RBFOX3: variants seen among roughly 807,000 people sequenced by gnomAD.
The protein encoded by RBFOX3 is RNA binding protein fox-1 homolog 3.
A neutral mutation model predicts 48.7 loss-of-function variants in RBFOX3; 17 were observed. The observed-to-expected ratio is 0.35, with a 90% CI of 0.24 to 0.52. The LOEUF (loss-of-function observed/expected upper bound fraction) is 0.52. Among genes scored for constraint, RBFOX3 ranks in the 20% least tolerant of loss-of-function variants. RBFOX3 has a pLI of 0.94. For synonymous variants in RBFOX3, 212 were observed against 209.5 expected (o/e 1.01, Z -0.10); for missense variants, 382 against 497.5 (o/e 0.77, Z 2.21).
At position 79,325,940 on chromosome 17, in the gene RBFOX3, C is replaced by A. The variant is rs540458906; in HGVS notation, c.-174-18116G>T. On this transcript the variant is annotated intron_variant, in intron 2 of 14. Coordinates refer to ENST00000693108, the MANE Select transcript of RBFOX3 (RefSeq NM_001350451.2). ...CTCCGGCATGATGGACGATTATGGA[C>A]CAACTGCACTTTCAGAGGGGGATAG... Among the ~76,000 whole-genome samples, 23 of 152,314 alleles carry A rather than the reference C, an allele frequency of 1.5e-4. No individual in the cohort carries two copies. The South Asian group carries it at 3.5e-3, about 23-fold the overall frequency.
At chr17:79,291,214 T>A (rs2073193585) in intron 3 of RBFOX3, among the ~76,000 whole-genome samples, 1 of 152,246 alleles carries the variant, frequency 6.6e-6, no homozygotes, top group Non-Finnish European at 1.5e-5. Flanking sequence ...TCAACTCTGA[T>A]GGCCAGGGCA....
intron 4 of RBFOX3, among the ~76,000 whole-genome samples, chr17:79,210,561 T>C (rs1027811707): frequency 1.3e-5 from 2 of 152,248 alleles, no homozygotes; most frequent in African/African-American, 4.8e-5. Flanking sequence ...CTGCTATAAA[T>C]ATCTTGGCAC....
At chr17:79,437,711 A>G (rs1324297860) in intron 2 of RBFOX3, among the ~76,000 whole-genome samples, 4 of 152,194 alleles carry the variant, frequency 2.6e-5, no homozygotes, top group African/African-American at 9.6e-5. Flanking sequence ...GGCTCCCCAG[A>G]CTTCCCACCC....
chr17:79,290,435 G>A (rs75682842), intron 3 of RBFOX3, among the ~76,000 whole-genome samples: 4,469 of 152,034 alleles, frequency 0.029, 106 homozygotes, highest in East Asian at 0.066. Flanking sequence ...CATATGCTGT[G>A]ACGGTGTCAT....
chr17:79,279,838 G>T (rs2069835591), intron 3 of RBFOX3, among the ~76,000 whole-genome samples: 1 of 152,156 alleles, frequency 6.6e-6, no homozygotes, highest in African/African-American at 2.4e-5. Context: ...TCACTGAGAG[G>T]TTGGAAAAAA....
chr17:79,162,481 C>T (rs146580549), intron 4 of RBFOX3, among the ~76,000 whole-genome samples: 1 of 152,352 alleles, frequency 6.6e-6, no homozygotes, highest in African/African-American at 2.4e-5. Flanking sequence ...ATGGAGCACA[C>T]ATGCATGGAG....
intron 3 of RBFOX3, among the ~76,000 whole-genome samples, chr17:79,293,571 G>A (rs1240870831): frequency 2.0e-5 from 3 of 151,892 alleles, no homozygotes; most frequent in Non-Finnish European, 2.9e-5. Context: ...TCCTGCCTCA[G>A]CCTCCTGAGT....
At chr17:79,633,223 A>G in the RBFOX3 span, among the ~76,000 whole-genome samples, 1 of 152,246 alleles carries the variant, frequency 6.6e-6, no homozygotes, top group East Asian at 1.9e-4. Flanking sequence ...AGCCACAGCT[A>G]AGACTCAGCC....
rs2146778963 is a variant in RBFOX3 at position 79,199,829 on chromosome 17, C to T, written c.-34+35937G>A. On this transcript the variant is annotated intron_variant, in intron 4 of 14. Coordinates refer to ENST00000693108, the MANE Select transcript of RBFOX3 (RefSeq NM_001350451.2). This position sits in a 1 kb window ranked among gnomAD's most constrained non-coding sequence, Gnocchi z 5.1. The stretch of plus-strand genomic sequence containing the variant: ...AGAGTGTCTATTCTACAGTACCGCT[C>T]TAAAGCTTCCCACATCTCAGTTTCC... 6.6e-6 allele frequency among the ~76,000 whole-genome samples: 1 copy of T among 152,272 alleles called. No homozygotes were observed. Among genetic ancestry groups the T allele is most frequent in the South Asian group, 2.1e-4 (1 of 4,822 alleles).
chr17:79,167,343 CTCTA>C (rs1255094894), intron 4 of RBFOX3, among the ~76,000 whole-genome samples: 1 of 152,038 alleles, frequency 6.6e-6, no homozygotes, highest in African/African-American at 2.4e-5. Context: ...CCTCTGGGGT[CTCTA>C]TCAGGCTCTG....
chr17:79,510,978 C>A (rs1317533607), intron 1 of RBFOX3, among the ~76,000 whole-genome samples: 7 of 152,204 alleles, frequency 4.6e-5, no homozygotes, highest in Non-Finnish European at 7.3e-5. Context: ...GAGCCAAGAA[C>A]CTCGGCCTCC....
chr17:79,253,388 C>T (rs1343277334), intron 3 of RBFOX3, among the ~76,000 whole-genome samples: 1 of 152,202 alleles, frequency 6.6e-6, no homozygotes, highest in Non-Finnish European at 1.5e-5. Flanking sequence ...AAAAAAACCT[C>T]TTCTGTATCT....
At chr17:79,460,752 C>T (rs1474877030) in intron 2 of RBFOX3, among the ~76,000 whole-genome samples, 1 of 152,190 alleles carries the variant, frequency 6.6e-6, no homozygotes, top group African/African-American at 2.4e-5. Context: ...GTTCAGCTCC[C>T]TCTTGCTCAT....
At position 79,097,313 on chromosome 17, in the gene RBFOX3, G is replaced by A; in HGVS notation, c.734C>T (p.Pro245Leu). 6.5e-7 allele frequency: 1 copy of A among 1,545,170 alleles called. No individual in the cohort carries two copies. Among genetic ancestry groups the A allele is most frequent in the Non-Finnish European group, 8.7e-7 (1 of 1,143,758 alleles). Residue 245 changes from proline (P) to leucine (L), a missense_variant, in exon 11 of 15, where the codon CCC (proline) becomes CTC (leucine). Transcript: ENST00000693108. ...TCACGCTCCGTAAGTCGGGATGGGG[G>A]GTGGGGGTGGCGCAGCCCGAAATGT... is the stretch of plus-strand genomic sequence containing the variant. ...YNTFRAAPPP[P>L]PIPTYGAALE... is the part of the protein sequence containing the mutation.
Position 79,500,159 on chromosome 17 carries a change from C to T in RBFOX3, c.-319-17561G>A, listed in dbSNP as rs928443898. On this transcript the variant is annotated intron_variant, in intron 1 of 14. Coordinates refer to ENST00000693108, the MANE Select transcript of RBFOX3 (RefSeq NM_001350451.2). ...CAGCTAGACCAAGCCAGGAGCAGGG[C>T]AACTGAATCAACCCACAGACCCATA... Among the ~76,000 whole-genome samples, 500 of 152,076 alleles carry T rather than the reference C, an allele frequency of 3.3e-3. 3 individuals are homozygous for T. The highest frequency in any genetic ancestry group is 5.8e-3 in the South Asian group (28 of 4,824).
chr17:79,575,419 T>G (rs1242110532), intron 1 of RBFOX3, among the ~76,000 whole-genome samples: 4 of 151,554 alleles, frequency 2.6e-5, no homozygotes, highest in Non-Finnish European at 4.4e-5. Flanking sequence ...AGAGCTACGA[T>G]GGAAGTGGGT....
chr17:79,638,238 A>T, the RBFOX3 span, among the ~76,000 whole-genome samples: 1 of 151,748 alleles, frequency 6.6e-6, no homozygotes, highest in African/African-American at 2.4e-5. Context: ...AATAATAAGG[A>T]TTAGAGCAGA....
chr17:79,223,869 A>G (rs2060014576), intron 4 of RBFOX3, among the ~76,000 whole-genome samples: 1 of 152,166 alleles, frequency 6.6e-6, no homozygotes, highest in Non-Finnish European at 1.5e-5. Context: ...GAGGGGATTT[A>G]GGAAGGGAAA....
At chr17:79,638,900 T>C in the RBFOX3 span, among the ~76,000 whole-genome samples, 3 of 152,202 alleles carry the variant, frequency 2.0e-5, no homozygotes, top group African/African-American at 7.2e-5. Flanking sequence ...CTTTTTGTAG[T>C]CTGTGAGCCA....
Sources: allele counts gnomAD v4.1 joint callset (sites outside exome capture counted in the v4.1 genomes callset), GRCh38; gene constraint gnomAD v4.1.1; non-coding constraint Gnocchi (gnomAD v3.1); transcripts MANE v1.5; gene names NCBI Gene and HGNC (gene_info 2026-07-23, HGNC 2026-07-21).